The following XKR5 variants were observed in gnomAD, a reference collection of about 807,000 sequenced individuals.
XKR5 encodes XK-related protein 5.
Under a neutral mutation model 40.8 loss-of-function variants are expected in XKR5, and 46 were observed. That is an observed-to-expected ratio of 1.13 (90% CI 0.89 to 1.44). XKR5 has a LOEUF of 1.44. XKR5 is among the 40% of genes most tolerant of loss of function. The probability of loss-of-function intolerance (pLI) is 0.00; values close to 1 mark genes in which losing one functional copy is unlikely to be tolerated. For synonymous variants in XKR5, 466 were observed against 356.1 expected (o/e 1.31, Z -3.48); for missense variants, 1,169 against 844.7 (o/e 1.38, Z -4.76).
At position 6,826,346 on chromosome 8, in the gene XKR5, C is replaced by T. The variant is rs1053418097; in HGVS notation, c.243-997G>A. 5.3e-5 allele frequency among the ~76,000 whole-genome samples: 8 copies of T among 151,648 alleles called. No homozygotes were observed. In the East Asian group the frequency reaches 1.4e-3, roughly 26 times the overall value. On this transcript the variant is annotated intron_variant, in intron 2 of 6. Transcript: ENST00000618742. ...TGCAGTGTGAGTGTGTGTGTGTGCA[C>T]GCATGTAGTGTGGGTGTATGAACAG...
chr8:6,835,390 G>C (rs957203712), intron 1 of XKR5, 46 bp downstream of exon 1: 2 of 1,391,558 alleles, frequency 1.4e-6, no homozygotes, highest in African/African-American at 3.0e-5. Context: ...CCGGGGTGGG[G>C]TTAGGGGCTG....
At chr8:6,830,356 G>T (rs1804705758) in intron 2 of XKR5, among the ~76,000 whole-genome samples, 1 of 152,208 alleles carries the variant, frequency 6.6e-6, no homozygotes, top group African/African-American at 2.4e-5. Flanking sequence ...ACTCAGTGTT[G>T]TCTTTGAACC....
chr8:6,818,780 C>T (rs1804082981), intron 5 of XKR5, among the ~76,000 whole-genome samples: 1 of 152,232 alleles, frequency 6.6e-6, no homozygotes, highest in Non-Finnish European at 1.5e-5. Context: ...TGAGGCCCAG[C>T]TGCACTGGAG....
At chr8:6,824,691 T>C (rs1401415728) in intron 3 of XKR5, among the ~76,000 whole-genome samples, 1 of 151,606 alleles carries the variant, frequency 6.6e-6, no homozygotes, top group African/African-American at 2.4e-5. Context: ...CCACCATGCC[T>C]GGCTAATTTT....
intron 2 of XKR5, among the ~76,000 whole-genome samples, chr8:6,830,765 T>C (rs1804730864): frequency 6.6e-6 from 1 of 152,258 alleles, no homozygotes; most frequent in Non-Finnish European, 1.5e-5. Context: ...CTATATGATT[T>C]CACTAGTATA....
rs1332263765 is a variant in XKR5, at chr8:6,809,428, A to G, written c.*1770T>C. 6.6e-6 allele frequency: 1 copy of G among 152,098 alleles called. No individual in the cohort carries two copies. The highest frequency in any genetic ancestry group is 1.5e-5 in the Non-Finnish European group (1 of 68,072). The allele number at this position is 152,098 out of a possible 1,614,324, so 9.4% of individuals were successfully genotyped here. A position where few individuals can be genotyped will look rare whatever the true frequency, so the allele number is the denominator to read the frequency against. ...CTCAGCCTCTCGAGCAGCTGGGACT[A>G]CAGGTGTGTGCCACCACACCAGGAT... On this transcript the variant is annotated 3_prime_UTR_variant, in exon 7 of 7. Transcript: ENST00000618742.
rs1290286610 is a variant in XKR5 at position 6,811,873 on chromosome 8, G to A, written c.1386C>T (p.Pro462=). 6.5e-7 allele frequency: 1 copy of A among 1,537,550 alleles called. No individual in the cohort carries two copies. Among genetic ancestry groups the A allele is most frequent in the East Asian group, 2.4e-5 (1 of 40,916 alleles). ...QQELPSSSRD[P]STLENSSAFE... ...ACGCAGAGCTGTTCTCTAAGGTTGA[G>A]GGGTCACGGGATGAGGATGGGAGCT... The change falls in exon 7 of 7, where the codon CCC becomes CCT. Residue 462 remains proline, a synonymous_variant. Transcript: ENST00000618742.
chr8:6,825,000 A>G (rs898364436), intron 3 of XKR5, among the ~76,000 whole-genome samples, 165 bp downstream of exon 3: 1 of 152,204 alleles, frequency 6.6e-6, no homozygotes, highest in Non-Finnish European at 1.5e-5. Context: ...AACTCAATGC[A>G]CCAGCAAAAG....
chr8:6,826,112 A>C (rs1010783632), intron 2 of XKR5, among the ~76,000 whole-genome samples: 1 of 152,088 alleles, frequency 6.6e-6, no homozygotes. Flanking sequence ...ATATGGGTGA[A>C]CACACATGTG....
Position 6,832,688 on chromosome 8 carries a change from C to G in XKR5, c.242+29G>C, listed in dbSNP as rs74400011. 9.3e-6 allele frequency: 15 copies of G among 1,611,258 alleles called. No homozygotes were observed. In the African/African-American group the frequency reaches 1.1e-4, roughly 11 times the overall value. On this transcript the variant is annotated intron_variant, in intron 2 of 6. Coordinates refer to ENST00000618742, the MANE Select transcript of XKR5 (RefSeq NM_207411.5). ...CTCACTGCACTTGTGCAATTGTGCT[C>G]CAGAGGTGAAAGAGGCAGCTGTTCT...
At chr8:6,825,403 T>C (rs1424962576) in intron 2 of XKR5, 54 bp from the exon 3 acceptor site, 49 of 1,450,040 alleles carry the variant, frequency 3.4e-5, no homozygotes, top group Non-Finnish European at 4.1e-5. Flanking sequence ...CGAGATTCAA[T>C]AGGACGAGCT....
At chr8:6,818,096 A>G (rs1804044068) in intron 5 of XKR5, among the ~76,000 whole-genome samples, 1 of 152,024 alleles carries the variant, frequency 6.6e-6, no homozygotes, top group South Asian at 2.1e-4. Context: ...GCTCTTCCCT[A>G]TGGCGATACA....
At chr8:6,814,058 C>G (rs1803852789) in intron 6 of XKR5, among the ~76,000 whole-genome samples, 1 of 152,176 alleles carries the variant, frequency 6.6e-6, no homozygotes, top group South Asian at 2.1e-4. Context: ...CATGGCCCCT[C>G]CCTGAAGGAA....
At chr8:6,823,790 T>TA in intron 3 of XKR5, 60 bp from the exon 4 acceptor site, 1 of 1,396,534 alleles carries the variant, frequency 7.2e-7, no homozygotes, top group South Asian at 1.2e-5. Flanking sequence ...CAGTACCTTG[T>TA]GAAGATTCAC....
At chr8:6,828,637 A>G (rs1449281361) in intron 2 of XKR5, among the ~76,000 whole-genome samples, 1 of 152,174 alleles carries the variant, frequency 6.6e-6, no homozygotes. Context: ...ATCTGTCCTC[A>G]CAGTCGCTGC....
At position 6,811,406 on chromosome 8, in the gene XKR5, C is replaced by T; in HGVS notation, c.1853G>A (p.Gly618Glu). The change falls in exon 7 of 7, where the codon GGA becomes GAA. Residue 618 changes from glycine (G) to glutamate (E), a missense_variant. Coordinates refer to ENST00000618742, the MANE Select transcript of XKR5 (RefSeq NM_207411.5). ...TAGCTCTGAGATACTGAGGGTTCTT[C>T]CAGGGAAGCCTGCACTGGGGCAGAA... is the stretch of plus-strand genomic sequence containing the variant. Reference protein sequence around the residue: ...RGFCPSAGFPGRTLSISELEE... With the variant: ...RGFCPSAGFPERTLSISELEE... The T allele has an allele frequency of 3.3e-6, 5 of 1,537,238 alleles. No individual in the cohort carries two copies. Among genetic ancestry groups the T allele is most frequent in the South Asian group, 1.2e-5 (1 of 84,056 alleles).
chr8:6,825,330 T>C lies in XKR5; in HGVS notation c.262A>G (p.Thr88Ala). The change falls in exon 3 of 7, where the codon ACC becomes GCC. Residue 88 changes from threonine to alanine, a missense_variant. Physicochemically the swap from Thr to Ala is moderately conservative, Grantham distance 58. Transcript: ENST00000618742. ...VWKRHWDAAL[T>A]SLQKELEAPH... ...GCCTCCAGTTCCTTCTGCAGACTGG[T>C]CAGTGCAGCGTCCCAGTGCCTAGGG... 6.3e-7 allele frequency: 1 copy of C among 1,588,474 alleles called. No homozygotes were observed. The highest frequency in any genetic ancestry group is 8.5e-7 in the Non-Finnish European group (1 of 1,169,680).
intron 2 of XKR5, among the ~76,000 whole-genome samples, chr8:6,829,840 T>C (rs866981757): frequency 1.4e-4 from 19 of 131,698 alleles, no homozygotes; most frequent in African/African-American, 6.0e-4. Context: ...TTTTTTTTTT[T>C]TTTTTTTTTT....
At chr8:6,834,637 G>C (rs1276207529) in intron 1 of XKR5, among the ~76,000 whole-genome samples, 1 of 152,194 alleles carries the variant, frequency 6.6e-6, no homozygotes, top group African/African-American at 2.4e-5. Context: ...GCGAACTCAG[G>C]GAAAAGTCCC....
Sources: gnomAD v4.1 joint callset for allele counts (sites outside exome capture counted in the v4.1 genomes callset) on GRCh38, gnomAD v4.1.1 for gene constraint, MANE v1.5 for transcripts, NCBI Gene and HGNC (gene_info 2026-07-23, HGNC 2026-07-21) for gene names.